SLC24A4: variants seen among roughly 807,000 people sequenced by gnomAD.
SLC24A4 encodes sodium/potassium/calcium exchanger 4.
Under a neutral mutation model 79.0 loss-of-function variants are expected in SLC24A4, and 53 were observed. The ratio of observed to expected loss-of-function variants is 0.67; its 90% confidence interval spans 0.54 to 0.84. The LOEUF (loss-of-function observed/expected upper bound fraction) is 0.84, where lower values mean the gene tolerates loss of function less well. Ranked by LOEUF, SLC24A4 falls within the 40% of genes least tolerant of loss-of-function variation. The pLI is 0.00. For missense variants in SLC24A4, 731 were observed against 822.0 expected (o/e 0.89, Z 1.35); for synonymous variants, 323 against 323.8 (o/e 1.00, Z 0.03).
chr14:92,412,342 C>A (rs1318220662), intron 2 of SLC24A4, among the ~76,000 whole-genome samples: 1 of 152,096 alleles, frequency 6.6e-6, no homozygotes, highest in Non-Finnish European at 1.5e-5. Flanking sequence ...CAGCCCCACC[C>A]AAATCATATG....
chr14:92,384,332 C>T (rs956326764), intron 2 of SLC24A4, among the ~76,000 whole-genome samples: 3 of 152,072 alleles, frequency 2.0e-5, no homozygotes, highest in Middle Eastern at 3.4e-3. Context: ...GGGAGTGTTG[C>T]GCATTACAGC....
At chr14:92,377,685 G>A (rs1030841915) in intron 2 of SLC24A4, among the ~76,000 whole-genome samples, 1 of 152,196 alleles carries the variant, frequency 6.6e-6, no homozygotes, top group Non-Finnish European at 1.5e-5. Context: ...TTCTAGATCA[G>A]ATATGCTGGC....
intron 2 of SLC24A4, among the ~76,000 whole-genome samples, chr14:92,391,367 C>G (rs1383233084): frequency 6.6e-6 from 1 of 152,146 alleles, no homozygotes; most frequent in Non-Finnish European, 1.5e-5. Context: ...TTGTGCCAAC[C>G]CCAGGGTCTC....
At chr14:92,348,063 A>C (rs1209859946) in intron 2 of SLC24A4, among the ~76,000 whole-genome samples, 1 of 152,226 alleles carries the variant, frequency 6.6e-6, no homozygotes. Flanking sequence ...CTTCTTTGGC[A>C]ACCCTGACAT....
intron 2 of SLC24A4, among the ~76,000 whole-genome samples, chr14:92,394,015 G>A (rs1889634840): frequency 6.7e-6 from 1 of 149,764 alleles, no homozygotes; most frequent in African/African-American, 2.4e-5. Context: ...GGTCCCAGAA[G>A]AAAAAAAAAT....
At chr14:92,347,737 G>A (rs1049451383) in intron 2 of SLC24A4, among the ~76,000 whole-genome samples, 2 of 152,122 alleles carry the variant, frequency 1.3e-5, no homozygotes, top group Non-Finnish European at 2.9e-5. Context: ...GCCCAGCCTG[G>A]CCAAGATGGT....
chr14:92,492,654 A>G (rs1895748560), intron 16 of SLC24A4, among the ~76,000 whole-genome samples: 1 of 152,108 alleles, frequency 6.6e-6, no homozygotes, highest in East Asian at 1.9e-4. Flanking sequence ...CTTCAGCGTC[A>G]CTTTATTCTA....
intron 2 of SLC24A4, among the ~76,000 whole-genome samples, chr14:92,351,875 A>G (rs1044492918): frequency 1.9e-4 from 28 of 148,414 alleles, no homozygotes. Context: ...AAAAGAAAGA[A>G]AAAAGGAAAG....
intron 13 of SLC24A4, among the ~76,000 whole-genome samples, chr14:92,485,674 A>G (rs1277776258): frequency 6.6e-6 from 1 of 152,248 alleles, no homozygotes; most frequent in Non-Finnish European, 1.5e-5. Context: ...AGTAAAAAAA[A>G]AAAGTATTTC....
intron 12 of SLC24A4, 125 bp from the exon 13 acceptor site, chr14:92,482,555 C>T: frequency 1.1e-6 from 1 of 878,188 alleles, no homozygotes; most frequent in South Asian, 1.9e-5. Flanking sequence ...GGTCAGTTGC[C>T]TAGAGTCACA....
intron 12 of SLC24A4, among the ~76,000 whole-genome samples, chr14:92,466,517 AT>A (rs1311009098): frequency 6.6e-6 from 1 of 152,234 alleles, no homozygotes; most frequent in Non-Finnish European, 1.5e-5. Context: ...CAGGCAATCA[AT>A]TTAATAAGTC....
At chr14:92,463,049 G>C (rs1254080351) in intron 12 of SLC24A4, among the ~76,000 whole-genome samples, 2 of 152,190 alleles carry the variant, frequency 1.3e-5, no homozygotes, top group African/African-American at 2.4e-5. Context: ...GTGTTGAATT[G>C]GGTTGAATTA....
At chr14:92,449,824 G>A (rs948647229) in intron 10 of SLC24A4, among the ~76,000 whole-genome samples, 6 of 152,230 alleles carry the variant, frequency 3.9e-5, no homozygotes, top group African/African-American at 1.4e-4. Context: ...TCTCCCCAGC[G>A]GCTCTTTGGC....
intron 12 of SLC24A4, among the ~76,000 whole-genome samples, chr14:92,480,395 G>A (rs867666662): frequency 2.1e-4 from 30 of 141,304 alleles, no homozygotes; most frequent in South Asian, 4.7e-4. Flanking sequence ...CCGGGTTCAC[G>A]CCATTCTCCT....
chr14:92,476,796 T>G (rs557606738), intron 12 of SLC24A4, among the ~76,000 whole-genome samples: 1 of 152,328 alleles, frequency 6.6e-6, no homozygotes, highest in South Asian at 2.1e-4. Flanking sequence ...AAATAGAATC[T>G]ATCAATATAT....
At chr14:92,361,408 C>T (rs1337335543) in intron 2 of SLC24A4, among the ~76,000 whole-genome samples, 2 of 151,464 alleles carry the variant, frequency 1.3e-5, no homozygotes, top group Non-Finnish European at 2.9e-5. Flanking sequence ...GCTTGATGAA[C>T]TACTTTGAAC....
intron 2 of SLC24A4, among the ~76,000 whole-genome samples, chr14:92,418,859 G>T (rs944613492): frequency 7.2e-5 from 11 of 152,038 alleles, no homozygotes; most frequent in Non-Finnish European, 1.5e-4. Context: ...CTGCCACCAC[G>T]CCTGGCTAAT....
chr14:92,379,940 G>A (rs572975119), intron 2 of SLC24A4, among the ~76,000 whole-genome samples: 3 of 152,206 alleles, frequency 2.0e-5, no homozygotes, highest in Admixed American at 6.5e-5. Context: ...TGTTGTCTTC[G>A]TGGCACTCAG....
chr14:92,410,014 A>G (rs957498949), intron 2 of SLC24A4, among the ~76,000 whole-genome samples: 5 of 152,202 alleles, frequency 3.3e-5, no homozygotes, highest in Non-Finnish European at 7.3e-5. Context: ...ACACAAAGAA[A>G]GGAACAGACA....
Sources: allele counts gnomAD v4.1 joint callset (sites outside exome capture counted in the v4.1 genomes callset), GRCh38; gene constraint gnomAD v4.1.1; transcripts MANE v1.5; gene names NCBI Gene and HGNC (gene_info 2026-07-23, HGNC 2026-07-21).